FOXN3: variants seen among roughly 807,000 people sequenced by gnomAD.
The protein encoded by FOXN3 is forkhead box protein N3.
FOXN3 carries 7 observed loss-of-function variants against 38.4 expected under a neutral mutation model. The observed-to-expected ratio is 0.18, with a 90% CI of 0.10 to 0.34. FOXN3 has a LOEUF of 0.34. FOXN3 is among the 10% of genes least tolerant of loss of function. FOXN3 has a pLI of 1.00. For missense variants in FOXN3, 456 were observed against 613.4 expected (o/e 0.74, Z 2.71); for synonymous variants, 230 against 242.2 (o/e 0.95, Z 0.47).
Position 89,341,760 on chromosome 14 carries a change from TG to T in FOXN3, c.680+8911del, listed in dbSNP as rs552274612. ...GTACACGGTTGATTTCATGCACTTT[TG>T]ACAGTTTTCCTATTTCTAACATGAG... On this transcript the variant is annotated intron_variant, in intron 3 of 5. Coordinates refer to ENST00000557258, the MANE Select transcript of FOXN3 (RefSeq NM_005197.4). 2.6e-4 allele frequency among the ~76,000 whole-genome samples: 40 copies of T among 152,330 alleles called. No individual in the cohort carries two copies. In the East Asian group the frequency reaches 7.1e-3, roughly 27 times the overall value.
At chr14:89,306,879 C>G (rs1887394809) in intron 3 of FOXN3, among the ~76,000 whole-genome samples, 1 of 152,270 alleles carries the variant, frequency 6.6e-6, no homozygotes, top group South Asian at 2.1e-4. Flanking sequence ...ATATGAAATT[C>G]AAACTTCAAT....
chr14:89,589,531 G>A (rs187312080), intron 1 of FOXN3, among the ~76,000 whole-genome samples: 4 of 152,000 alleles, frequency 2.6e-5, no homozygotes, highest in African/African-American at 7.3e-5. Flanking sequence ...TCCCTGCTTC[G>A]ACTGCATAAG....
At chr14:89,323,301 A>AAAAAGAAAG (rs1887947128) in intron 3 of FOXN3, among the ~76,000 whole-genome samples, 4 of 142,928 alleles carry the variant, frequency 2.8e-5, no homozygotes, top group African/African-American at 1.1e-4. Context: ...AAAAAAAAAA[A>AAAAAGAAAG]AAAGAAAGAA....
intron 2 of FOXN3, among the ~76,000 whole-genome samples, chr14:89,391,995 C>T (rs547464995): frequency 4.6e-5 from 7 of 152,162 alleles, no homozygotes; most frequent in Non-Finnish European, 1.0e-4. Context: ...ACCCTATAAA[C>T]TCTTTCCATT....
chr14:89,257,922 A>G (rs1252887190), intron 4 of FOXN3, among the ~76,000 whole-genome samples: 1 of 152,222 alleles, frequency 6.6e-6, no homozygotes, highest in East Asian at 1.9e-4. Flanking sequence ...ACATTTCCTC[A>G]GAAGACAATG....
chr14:89,350,449 C>T, intron 3 of FOXN3: 1 of 381,818 alleles, frequency 2.6e-6, no homozygotes, highest in Non-Finnish European at 4.6e-6. Flanking sequence ...ATTTCACCCA[C>T]CATGAAGCCT....
chr14:89,212,951 T>G (rs1884145804), intron 4 of FOXN3, among the ~76,000 whole-genome samples: 1 of 152,138 alleles, frequency 6.6e-6, no homozygotes, highest in Non-Finnish European at 1.5e-5. Flanking sequence ...GTTGACAATT[T>G]CAAAAAGCCA....
intron 4 of FOXN3, among the ~76,000 whole-genome samples, chr14:89,186,080 T>C (rs1370814347): frequency 6.6e-6 from 1 of 152,248 alleles, no homozygotes; most frequent in African/African-American, 2.4e-5. Flanking sequence ...AGGGCAGCCC[T>C]GGCTAACTCT....
rs569168628 is a variant in FOXN3, at chr14:89,538,913, C to T, written c.-15+80115G>A. Among the ~76,000 whole-genome samples, 548 of 151,546 alleles carry T rather than the reference C, an allele frequency of 3.6e-3. 1 individual carries two copies. The highest frequency in any genetic ancestry group is 0.014 in the Middle Eastern group (4 of 290). ...GGCTGGAGTGCAGTGGTGCGATCTCCGCTCACTGCAACTTCCGCCCCATGG... is the reference window on the plus strand; with the variant it reads ...GGCTGGAGTGCAGTGGTGCGATCTCTGCTCACTGCAACTTCCGCCCCATGG... On this transcript the variant is annotated intron_variant, in intron 1 of 6. Transcript: ENST00000345097.
chr14:89,333,749 T>TTAAAAA (rs1555418764), intron 3 of FOXN3, among the ~76,000 whole-genome samples: 3 of 57,288 alleles, frequency 5.2e-5, no homozygotes, highest in East Asian at 5.6e-4. Context: ...GAGAGACTAT[T>TTAAAAA]AAAAAAAAAA....
intron 1 of FOXN3, among the ~76,000 whole-genome samples, chr14:89,454,552 GA>G (rs1340690903): frequency 1.3e-5 from 2 of 152,170 alleles, no homozygotes; most frequent in African/African-American, 4.8e-5. Flanking sequence ...TTGTAACAGA[GA>G]AAAACTGGAT....
chr14:89,342,864 T>A (rs1342299800), intron 3 of FOXN3, among the ~76,000 whole-genome samples: 1 of 152,206 alleles, frequency 6.6e-6, no homozygotes, highest in Non-Finnish European at 1.5e-5. Flanking sequence ...TCCAAATAAG[T>A]GTATTGAATA....
chr14:89,613,519 T>G (rs1566718603), intron 1 of FOXN3, among the ~76,000 whole-genome samples: 1 of 152,142 alleles, frequency 6.6e-6, no homozygotes, highest in African/African-American at 2.4e-5. Flanking sequence ...TCAACACAAT[T>G]CAATAGTTAA....
chr14:89,220,117 A>C (rs1315346002), intron 4 of FOXN3, among the ~76,000 whole-genome samples: 1 of 152,032 alleles, frequency 6.6e-6, no homozygotes, highest in African/African-American at 2.4e-5. Flanking sequence ...TCATCACATT[A>C]TTCTTCTTCC....
intron 4 of FOXN3, among the ~76,000 whole-genome samples, chr14:89,225,381 G>A (rs1884603901): frequency 6.6e-6 from 1 of 151,814 alleles, no homozygotes; most frequent in African/African-American, 2.4e-5. Flanking sequence ...GAGGCAGGCG[G>A]ATCACGAGGT....
chr14:89,241,872 G>A (rs1354093115), intron 4 of FOXN3, among the ~76,000 whole-genome samples: 1 of 152,176 alleles, frequency 6.6e-6, no homozygotes, highest in Non-Finnish European at 1.5e-5. Flanking sequence ...CTCGCAATGG[G>A]GGGCCTCTTC....
intron 1 of FOXN3, among the ~76,000 whole-genome samples, chr14:89,479,914 C>A (rs8019073): frequency 0.093 from 14,213 of 152,144 alleles, 782 homozygotes; most frequent in African/African-American, 0.15. Flanking sequence ...ATGAGTCAGT[C>A]CTTCAGAAAG....
In FOXN3 at chr14:89,556,460, A is replaced by AC. The variant is rs200841972; in HGVS notation, c.-15+62567dup. On this transcript the variant is annotated intron_variant, in intron 1 of 6. Transcript: ENST00000345097. ...CACTATGTGCCTCATCAATGTATTA[A>AC]CCTATTCTCACTGGGTAGGCAGGGT... 8.2e-3 allele frequency among the ~76,000 whole-genome samples: 1,240 copies of AC among 152,108 alleles called. 14 individuals are homozygous for AC. Among genetic ancestry groups the AC allele is most frequent in the African/African-American group, 0.028 (1,176 of 41,484 alleles).
chr14:89,162,644 C>T lies in FOXN3; in HGVS notation c.1177G>A (p.Ala393Thr), dbSNP rs74076955. 2.0e-4 allele frequency: 317 copies of T among 1,613,956 alleles called. No individual in the cohort carries two copies. The African/African-American group carries it at 3.5e-3, about 18-fold the overall frequency. The change falls in exon 6 of 6, where the codon GCA (alanine) becomes ACA (threonine). Residue 393 changes from alanine to threonine, a missense_variant. Coordinates refer to ENST00000557258, the MANE Select transcript of FOXN3 (RefSeq NM_005197.4). The surrounding 1 kb of genome is among the most constrained non-coding windows in gnomAD (Gnocchi z 7.2). Reference sequence around the variant, plus strand: ...TGCTGGCGCTTCTTGTGCTGGGATGCGTACCCGCTGTCCCCCAGAGAATCC... The same window carrying T: ...TGCTGGCGCTTCTTGTGCTGGGATGTGTACCCGCTGTCCCCCAGAGAATCC... ...PKDSLGDSGY[A>T]SQHKKRQHFA... is the part of the protein sequence containing the mutation.
Sources: allele counts gnomAD v4.1 joint callset (sites outside exome capture counted in the v4.1 genomes callset), GRCh38; gene constraint gnomAD v4.1.1; non-coding constraint Gnocchi (gnomAD v3.1); transcripts MANE v1.5; gene names NCBI Gene and HGNC (gene_info 2026-07-23, HGNC 2026-07-21).